The following STXBP5L variants were observed in gnomAD, a reference collection of about 807,000 sequenced individuals.
STXBP5L encodes the protein syntaxin binding protein 5L, also known as syntaxin-binding protein 5-like.
Under a neutral mutation model 144.5 loss-of-function variants are expected in STXBP5L, and 65 were observed. The observed-to-expected ratio is 0.45, with a 90% CI of 0.37 to 0.55. The LOEUF (loss-of-function observed/expected upper bound fraction) is 0.55. Ranked by LOEUF, STXBP5L falls within the 20% of genes least tolerant of loss-of-function variation. The pLI, the probability that STXBP5L is intolerant of heterozygous loss-of-function variation, is 0.00. For missense variants in STXBP5L, 1,298 were observed against 1,405.5 expected (o/e 0.92, Z 1.22); for synonymous variants, 505 against 469.6 (o/e 1.08, Z -0.97).
intron 9 of STXBP5L, among the ~76,000 whole-genome samples, chr3:121,163,098 T>G (rs2046378651): frequency 3.3e-5 from 5 of 152,176 alleles, no homozygotes. Context: ...TATAAATCAT[T>G]CTACTATAAA....
intron 18 of STXBP5L, 47 bp from the exon 19 acceptor site, chr3:121,279,758 T>C (rs753920699): frequency 1.3e-6 from 2 of 1,590,996 alleles, no homozygotes; most frequent in African/African-American, 2.7e-5. Flanking sequence ...ATAAAAATAA[T>C]CATGCTTGTT....
chr3:121,280,031 C>A, intron 19 of STXBP5L, 75 bp downstream of exon 19: 1 of 1,509,626 alleles, frequency 6.6e-7, no homozygotes, highest in African/African-American at 1.4e-5. Flanking sequence ...TCTTGTCTTT[C>A]TTCTCTGATA....
chr3:121,343,450 G>A (rs1220110734), intron 20 of STXBP5L, among the ~76,000 whole-genome samples: 1 of 152,144 alleles, frequency 6.6e-6, no homozygotes, highest in Non-Finnish European at 1.5e-5. Flanking sequence ...AAAAGAGGAA[G>A]TCAAATTATC....
intron 5 of STXBP5L, among the ~76,000 whole-genome samples, chr3:121,074,598 C>A (rs1321400282): frequency 1.3e-5 from 2 of 152,148 alleles, no homozygotes; most frequent in East Asian, 1.9e-4. Flanking sequence ...TCCACCCAGA[C>A]CCCTGGCAGC....
chr3:121,052,755 G>A (rs371886735), intron 5 of STXBP5L, among the ~76,000 whole-genome samples: 78,881 of 151,070 alleles, frequency 0.52, 21,098 homozygotes, highest in African/African-American at 0.62. Context: ...GGGCAATCAG[G>A]CAGGAGAAGG....
chr3:121,258,422 T>G (rs1030004349), intron 17 of STXBP5L, among the ~76,000 whole-genome samples: 8 of 152,200 alleles, frequency 5.3e-5, no homozygotes, highest in African/African-American at 1.9e-4. Context: ...ACTTTTGTAA[T>G]CATTGATTGT....
At chr3:121,062,206 G>A (rs987976590) in intron 5 of STXBP5L, among the ~76,000 whole-genome samples, 14 of 152,166 alleles carry the variant, frequency 9.2e-5, no homozygotes, top group African/African-American at 3.4e-4. Flanking sequence ...AAATCTCTCA[G>A]CATTTGCTTG....
intron 5 of STXBP5L, among the ~76,000 whole-genome samples, chr3:121,086,367 C>T (rs2042493543): frequency 6.6e-6 from 1 of 152,062 alleles, no homozygotes; most frequent in South Asian, 2.1e-4. Context: ...TGATGGACTA[C>T]ATATAAAAGA....
At chr3:120,973,790 G>A (rs542762083) in intron 3 of STXBP5L, among the ~76,000 whole-genome samples, 12 of 151,434 alleles carry the variant, frequency 7.9e-5, no homozygotes, top group Non-Finnish European at 1.2e-4. Flanking sequence ...GAGAACATGC[G>A]GTGTTTGGTT....
At chr3:121,205,847 C>G (rs938770358) in intron 9 of STXBP5L, 76 bp from the exon 10 acceptor site, 3 of 696,972 alleles carry the variant, frequency 4.3e-6, no homozygotes, top group East Asian at 6.8e-5. Context: ...TCTTTAAATT[C>G]CCTTAGTCAA....
chr3:121,317,910 T>C (rs1329785357), intron 19 of STXBP5L, among the ~76,000 whole-genome samples: 1 of 152,110 alleles, frequency 6.6e-6, no homozygotes, highest in Non-Finnish European at 1.5e-5. Flanking sequence ...GAATTTGTAG[T>C]TTTTAAAGAT....
At chr3:121,416,491 A>G (rs2047238667) in intron 25 of STXBP5L, among the ~76,000 whole-genome samples, 1 of 144,172 alleles carries the variant, frequency 6.9e-6, no homozygotes, top group Non-Finnish European at 1.5e-5. Context: ...TTATTTATTT[A>G]TTTATTTATT....
At chr3:121,005,454 T>C (rs560134258) in intron 3 of STXBP5L, among the ~76,000 whole-genome samples, 1 of 152,182 alleles carries the variant, frequency 6.6e-6, no homozygotes, top group Non-Finnish European at 1.5e-5. Flanking sequence ...TCTTCTTTAT[T>C]AGTCATGCTA....
chr3:120,928,420 G>T (rs947488908), intron 2 of STXBP5L, among the ~76,000 whole-genome samples: 1 of 151,978 alleles, frequency 6.6e-6, no homozygotes, highest in Non-Finnish European at 1.5e-5. Context: ...GTACCACCAC[G>T]CCTGGCTAAT....
rs111372039 is a variant in STXBP5L, at chr3:121,190,479, C to T, written c.878-15444C>T. Among the ~76,000 whole-genome samples, 382 of 152,334 alleles carry T rather than the reference C, an allele frequency of 2.5e-3. 2 individuals carry two copies. The highest frequency in any genetic ancestry group is 8.6e-3 in the African/African-American group (358 of 41,588). On this transcript the variant is annotated intron_variant, in intron 9 of 26. Transcript: ENST00000471454. ...CTTCAACACAGACACAGTAACAATCCGATCTCTCTTTCTTTTCCCCACATT... is the reference window on the plus strand; with the variant it reads ...CTTCAACACAGACACAGTAACAATCTGATCTCTCTTTCTTTTCCCCACATT...
chr3:121,360,802 A>T (rs1209004054), intron 20 of STXBP5L, among the ~76,000 whole-genome samples: 1 of 152,082 alleles, frequency 6.6e-6, no homozygotes, highest in Admixed American at 6.6e-5. Context: ...TAGTCTTTCT[A>T]CTTAGGATAA....
At chr3:121,009,676 A>G (rs1192835481) in intron 3 of STXBP5L, among the ~76,000 whole-genome samples, 1 of 151,984 alleles carries the variant, frequency 6.6e-6, no homozygotes, top group Non-Finnish European at 1.5e-5. Flanking sequence ...GAAAGGTGAA[A>G]TGGGGATCTG....
At chr3:121,076,444 G>T (rs1300498530) in intron 5 of STXBP5L, among the ~76,000 whole-genome samples, 1 of 152,144 alleles carries the variant, frequency 6.6e-6, no homozygotes, top group Non-Finnish European at 1.5e-5. Flanking sequence ...ATGCCTTGCA[G>T]TCTCTTTCTG....
intron 3 of STXBP5L, among the ~76,000 whole-genome samples, chr3:120,980,330 C>T (rs1336731864): frequency 6.6e-6 from 1 of 152,076 alleles, no homozygotes; most frequent in Non-Finnish European, 1.5e-5. Context: ...TGAAATCCCC[C>T]ACTATTATTG....
Sources: gnomAD v4.1 joint callset for allele counts (sites outside exome capture counted in the v4.1 genomes callset) on GRCh38, gnomAD v4.1.1 for gene constraint, MANE v1.5 for transcripts, NCBI Gene and HGNC (gene_info 2026-07-23, HGNC 2026-07-21) for gene names.